ZNF678: variants seen among roughly 807,000 people sequenced by gnomAD.
ZNF678 encodes hypothetical protein MGC42493.
Under a neutral mutation model 3.0 loss-of-function variants are expected in ZNF678, and 5 were observed. The ratio of observed to expected loss-of-function variants is 1.69; its 90% CI spans 0.88 to 3.56. ZNF678 has a LOEUF of 3.56. Among genes scored for constraint, ZNF678 ranks in the 30% most tolerant of loss-of-function variants. The pLI, the probability that ZNF678 is intolerant of heterozygous loss-of-function variation, is 0.00. For synonymous variants in ZNF678, 218 were observed against 199.6 expected (o/e 1.09, Z -0.78); for missense variants, 593 against 605.0 (o/e 0.98, Z 0.21).
rs1205704012 is a variant in ZNF678 at position 227,628,144 on chromosome 1, C to T, written c.-163-18400C>T. ...AGATCTCTTCCCTGTATCATTTTAA[C>T]TGCTTCAGATGCTAAGACTGCTACT... On this transcript the variant is annotated intron_variant, in intron 1 of 3. Coordinates refer to ENST00000343776, the MANE Select transcript of ZNF678 (RefSeq NM_001367909.1). 2.6e-5 allele frequency among the ~76,000 whole-genome samples: 4 copies of T among 152,216 alleles called. No individual in the cohort carries two copies. In the East Asian group the frequency reaches 7.7e-4, roughly 29 times the overall value.
chr1:227,653,953 G>GT (rs538088853), intron 3 of ZNF678, among the ~76,000 whole-genome samples: 24 of 151,898 alleles, frequency 1.6e-4, no homozygotes, highest in Non-Finnish European at 2.2e-4. Context: ...GCAATGTATT[G>GT]TTTTTTTGTT....
chr1:227,657,446 T>G lies in ZNF678; in HGVS notation c.*1618T>G, dbSNP rs1325217822. The G allele has an allele frequency of 6.6e-6, 1 of 151,920 alleles. No homozygotes were observed. Among genetic ancestry groups the G allele is most frequent in the Non-Finnish European group, 1.5e-5 (1 of 67,906 alleles). 9.4% of individuals were successfully genotyped at this position (151,920 alleles called of 1,614,324 possible). A position where few individuals can be genotyped will look rare whatever the true frequency, so the allele number is the denominator to read the frequency against. On this transcript the variant is annotated 3_prime_UTR_variant, in exon 4 of 4. Transcript: ENST00000343776. ...AACATCCCATAGGTTATATTTTTAT[T>G]TTTTTCTTTTGTAAATACTGGACAA...
chr1:227,599,817 TA>T (rs1434301959), intron 1 of ZNF678, among the ~76,000 whole-genome samples: 2 of 152,216 alleles, frequency 1.3e-5, no homozygotes, highest in Non-Finnish European at 2.9e-5. Context: ...ATTTTTTCTT[TA>T]TTTTTTTATT....
At chr1:227,564,589 A>G (rs963796216) in intron 1 of ZNF678, among the ~76,000 whole-genome samples, 6 of 152,262 alleles carry the variant, frequency 3.9e-5, no homozygotes, top group Admixed American at 3.3e-4. Context: ...TCCAAAATTC[A>G]TAAAAACCAC....
chr1:227,601,231 T>A (rs560216987), intron 1 of ZNF678, among the ~76,000 whole-genome samples: 1 of 152,354 alleles, frequency 6.6e-6, no homozygotes, highest in South Asian at 2.1e-4. Context: ...TGGATTTTCA[T>A]GGCTATTCAG....
chr1:227,618,966 G>A (rs926078987), intron 1 of ZNF678, among the ~76,000 whole-genome samples: 3 of 152,200 alleles, frequency 2.0e-5, no homozygotes, highest in East Asian at 3.9e-4. Context: ...CAAAGGGGAA[G>A]CAAAGACCTT....
chr1:227,580,744 A>G (rs1054835223), intron 1 of ZNF678, among the ~76,000 whole-genome samples: 7 of 152,114 alleles, frequency 4.6e-5, no homozygotes, highest in African/African-American at 1.4e-4. Flanking sequence ...AGCCTGACCA[A>G]CTACTAAAAA....
intron 1 of ZNF678, among the ~76,000 whole-genome samples, chr1:227,641,486 G>A (rs535958528): frequency 3.9e-5 from 6 of 152,194 alleles, no homozygotes; most frequent in African/African-American, 1.4e-4. Context: ...ATAAAAAAAA[G>A]CAACAGTTTT....
intron 1 of ZNF678, among the ~76,000 whole-genome samples, chr1:227,602,863 G>A (rs1225808203): frequency 3.9e-5 from 6 of 152,218 alleles, no homozygotes; most frequent in African/African-American, 1.4e-4. Context: ...AGGCAGAGTT[G>A]CATGTACCTG....
rs185608672 is a variant in ZNF678, at chr1:227,629,070, T to A, written c.-163-17474T>A. ...ATGATCCTGAGATCTTGCACTAACC[T>A]CCACTGTCCATTGGGTTTCTGTACA... is the stretch of plus-strand genomic sequence containing the variant. On this transcript the variant is annotated intron_variant, in intron 1 of 3. Transcript: ENST00000343776. 2.9e-3 allele frequency among the ~76,000 whole-genome samples: 435 copies of A among 152,302 alleles called. 1 individual carries two copies. Among genetic ancestry groups the A allele is most frequent in the Admixed American group, 2.2e-3 (33 of 15,300 alleles).
In ZNF678 at chr1:227,646,728, C is replaced by T. The variant is rs567494548; in HGVS notation, c.-37+58C>T. On this transcript the variant is annotated intron_variant, in intron 2 of 3. Coordinates refer to ENST00000343776, the MANE Select transcript of ZNF678 (RefSeq NM_001367909.1). ...TTCATACTACGGATTCCATATTTTT[C>T]ACTCCTGAAATGTTACCTGAGAGTT... 41 of 1,329,062 alleles carry T rather than the reference C, an allele frequency of 3.1e-5. No homozygotes were observed. In the Admixed American group the frequency reaches 8.4e-4, roughly 27 times the overall value. The allele number at this position is 1,329,062 out of a possible 1,614,324, so 82.3% of individuals were successfully genotyped here.
In ZNF678 at chr1:227,660,256, TG is replaced by T. The variant is rs1558161136; in HGVS notation, c.*4429del. 2.1e-4 allele frequency: 29 copies of T among 135,172 alleles called. No individual in the cohort carries two copies. In the East Asian group the frequency reaches 5.3e-3, roughly 25 times the overall value. 8.4% of individuals were successfully genotyped at this position (135,172 alleles called of 1,614,324 possible). On this transcript the variant is annotated 3_prime_UTR_variant, in exon 4 of 4. Coordinates refer to ENST00000343776, the MANE Select transcript of ZNF678 (RefSeq NM_001367909.1). Reference sequence around the variant, plus strand: ...TCTTTTACTGTACTATATGAATTTTTGTGTTTTTTTTGTGAAAAATTTTATT... The same window carrying T: ...TCTTTTACTGTACTATATGAATTTTTTGTTTTTTTTGTGAAAAATTTTATT...
At chr1:227,618,738 T>G (rs947676671) in intron 1 of ZNF678, among the ~76,000 whole-genome samples, 2 of 151,878 alleles carry the variant, frequency 1.3e-5, no homozygotes, top group African/African-American at 2.4e-5. Context: ...TTTGTTTTTG[T>G]TTTTTTGTTT....
intron 5 of ZNF678, among the ~76,000 whole-genome samples, chr1:227,671,389 A>G (rs1477254056): frequency 1.3e-5 from 2 of 151,216 alleles, no homozygotes; most frequent in African/African-American, 2.4e-5. Flanking sequence ...AATTCTAGAG[A>G]AAAAAAAACA....
chr1:227,608,545 CTAATA>C (rs1657936679), intron 1 of ZNF678, among the ~76,000 whole-genome samples: 2 of 152,006 alleles, frequency 1.3e-5, no homozygotes, highest in Admixed American at 6.5e-5. Flanking sequence ...CAAATTATTA[CTAATA>C]TATGGTACAC....
intron 5 of ZNF678, among the ~76,000 whole-genome samples, chr1:227,673,049 A>T (rs902590398): frequency 6.6e-6 from 1 of 152,060 alleles, no homozygotes; most frequent in Non-Finnish European, 1.5e-5. Flanking sequence ...TCATCCTCAT[A>T]AATGGACCCT....
chr1:227,568,103 A>G (rs564951473), intron 1 of ZNF678, among the ~76,000 whole-genome samples: 4 of 152,286 alleles, frequency 2.6e-5, no homozygotes, highest in Non-Finnish European at 5.9e-5. Context: ...AGTGTGTGTC[A>G]AAGTTCAGGG....
chr1:227,563,824 T>C, intron 1 of ZNF678, 100 bp downstream of exon 1: 1 of 1,142,432 alleles, frequency 8.8e-7, no homozygotes, highest in Non-Finnish European at 1.2e-6. Context: ...CTGTGGGATC[T>C]GTCACCTCTG....
chr1:227,591,514 T>C (rs1657412851), intron 1 of ZNF678, among the ~76,000 whole-genome samples: 2 of 152,214 alleles, frequency 1.3e-5, no homozygotes, highest in Admixed American at 6.5e-5. Context: ...TTTTAACTTA[T>C]TAATGACAGC....
Sources: allele counts gnomAD v4.1 joint callset (sites outside exome capture counted in the v4.1 genomes callset), GRCh38; gene constraint gnomAD v4.1.1; transcripts MANE v1.5; gene names NCBI Gene and HGNC (gene_info 2026-07-23, HGNC 2026-07-21).